The following CENPL variants were observed in gnomAD, a reference collection of about 807,000 sequenced individuals.
CENPL encodes the protein centromere protein L, also known as interphase centromere complex protein 33.
A neutral mutation model predicts 35.2 loss-of-function variants in CENPL; 20 were observed. The ratio of observed to expected loss-of-function variants is 0.57; its 90% CI spans 0.40 to 0.83. The LOEUF is 0.83. CENPL is among the 40% of genes least tolerant of loss of function. The pLI, the probability that CENPL is intolerant of heterozygous loss-of-function variation, is 0.00. For missense variants in CENPL, 363 were observed against 395.8 expected (o/e 0.92, Z 0.70); for synonymous variants, 140 against 140.6 (o/e 1.00, Z 0.03).
Position 173,805,580 on chromosome 1 carries a change from C to G in CENPL, c.420+1687G>C, listed in dbSNP as rs1650152167. ...CACTGAAAAAAAAGTCTTTTCTAGC[C>G]TCCCTTCCAACTAAGATGTAAAGAG... On this transcript the variant is annotated intron_variant, in intron 4 of 5. Coordinates refer to ENST00000682279, the MANE Select transcript of CENPL (RefSeq NM_001387287.1). 2.0e-5 allele frequency among the ~76,000 whole-genome samples: 3 copies of G among 152,072 alleles called. No individual in the cohort carries two copies. The South Asian group carries it at 6.2e-4, about 32-fold the overall frequency.
At chr1:173,806,940 T>C (rs1342103889) in intron 4 of CENPL, among the ~76,000 whole-genome samples, 1 of 152,050 alleles carries the variant, frequency 6.6e-6, no homozygotes, top group African/African-American at 2.4e-5. Context: ...ACCACAAAAA[T>C]ACAGAATTCC....
intron 2 of CENPL, among the ~76,000 whole-genome samples, chr1:173,816,015 A>T (rs1183783564): frequency 2.6e-5 from 4 of 152,214 alleles, no homozygotes; most frequent in African/African-American, 9.6e-5. Flanking sequence ...CAATGTGCAA[A>T]AATCACAAGC....
chr1:173,811,351 T>C (rs932318413), intron 2 of CENPL, 45 bp from the exon 3 acceptor site: 2 of 1,311,064 alleles, frequency 1.5e-6, no homozygotes, highest in Non-Finnish European at 2.2e-6. Context: ...ACTAAAAAGT[T>C]AATTCATGCT....
chr1:173,806,996 T>G (rs572449450), intron 4 of CENPL, among the ~76,000 whole-genome samples: 1 of 152,178 alleles, frequency 6.6e-6, no homozygotes, highest in African/African-American at 2.4e-5. Context: ...AATATCATAA[T>G]GTAAAAGTAT....
At chr1:173,813,089 AAT>A (rs1557847330) in intron 2 of CENPL, among the ~76,000 whole-genome samples, 3 of 152,234 alleles carry the variant, frequency 2.0e-5, no homozygotes, top group Non-Finnish European at 4.4e-5. Flanking sequence ...CTGAAGATCA[AAT>A]TAACGAAATA....
At chr1:173,821,145 T>C (rs968324604) in intron 2 of CENPL, among the ~76,000 whole-genome samples, 5 of 152,248 alleles carry the variant, frequency 3.3e-5, no homozygotes, top group East Asian at 1.9e-4. Context: ...CTAACACTTA[T>C]TGAGCATTCA....
intron 4 of CENPL, among the ~76,000 whole-genome samples, chr1:173,804,769 C>T (rs1650057299): frequency 7.6e-6 from 1 of 132,192 alleles, no homozygotes; most frequent in South Asian, 2.4e-4. Context: ...ATATTTTTAG[C>T]TGATTGCCTA....
At chr1:173,800,818 G>A (rs1300081356) in intron 5 of CENPL, among the ~76,000 whole-genome samples, 1 of 151,958 alleles carries the variant, frequency 6.6e-6, no homozygotes, top group South Asian at 2.1e-4. Context: ...ACAGCCAGGT[G>A]TAATGGTATA....
intron 2 of CENPL, among the ~76,000 whole-genome samples, chr1:173,817,149 A>G (rs1304417791): frequency 6.8e-6 from 1 of 147,222 alleles, no homozygotes; most frequent in Non-Finnish European, 1.5e-5. Flanking sequence ...GAAAAAAAAG[A>G]AAGCAAAAAA....
intron 2 of CENPL, among the ~76,000 whole-genome samples, chr1:173,815,173 C>A (rs1426441959): frequency 1.3e-5 from 2 of 152,174 alleles, no homozygotes; most frequent in Non-Finnish European, 2.9e-5. Flanking sequence ...ATAACAGGCT[C>A]TGAAACTGAG....
At chr1:173,819,888 T>C (rs1651784602) in intron 2 of CENPL, among the ~76,000 whole-genome samples, 1 of 151,552 alleles carries the variant, frequency 6.6e-6, no homozygotes. Flanking sequence ...TTTGTATTTT[T>C]AGTAGAGACA....
At chr1:173,818,535 C>A (rs879872834) in intron 2 of CENPL, among the ~76,000 whole-genome samples, 14 of 152,290 alleles carry the variant, frequency 9.2e-5, no homozygotes, top group Admixed American at 9.2e-4. Flanking sequence ...GTGTTTTTAA[C>A]CTTTTGGTCC....
chr1:173,805,614 G>T (rs909442788), intron 4 of CENPL, among the ~76,000 whole-genome samples: 1 of 151,776 alleles, frequency 6.6e-6, no homozygotes, highest in Non-Finnish European at 1.5e-5. Flanking sequence ...AGAAGTTACT[G>T]GGTCTCAGCA....
chr1:173,810,369 G>A (rs1270704046), intron 3 of CENPL, among the ~76,000 whole-genome samples: 1 of 152,084 alleles, frequency 6.6e-6, no homozygotes, highest in African/African-American at 2.4e-5. Flanking sequence ...GGGGGTGGAG[G>A]GTGGGAGGAA....
At position 173,803,298 on chromosome 1, in the gene CENPL, G is replaced by A. The variant is rs767669166; in HGVS notation, c.628C>T (p.Pro210Ser). 1.2e-6 allele frequency: 2 copies of A among 1,613,178 alleles called. No homozygotes were observed. Among genetic ancestry groups the A allele is most frequent in the Non-Finnish European group, 1.7e-6 (2 of 1,179,230 alleles). The change falls in exon 5 of 6, where the codon CCT becomes TCT. Residue 210 changes from proline to serine, a missense_variant. Physicochemically the swap from Pro to Ser is moderately conservative, Grantham distance 74. Transcript: ENST00000682279. ...AGATTAAATGCATTGATTGCTAAAG[G>A]ACTGAAATAACAGTCAAAGGTTTTC... ...FQKTFDCYFSPLAINAFNLSW... is the reference protein window; with the variant it reads ...FQKTFDCYFSSLAINAFNLSW...
chr1:173,803,872 G>T (rs1432384208), intron 4 of CENPL, among the ~76,000 whole-genome samples: 2 of 152,020 alleles, frequency 1.3e-5, no homozygotes, highest in Admixed American at 6.6e-5. Context: ...GGGTTTCACT[G>T]TATTGGTCAG....
At position 173,800,523 on chromosome 1, in the gene CENPL, CA is replaced by C; in HGVS notation, c.964-5del. 1.5e-6 allele frequency: 2 copies of C among 1,321,484 alleles called. No individual in the cohort carries two copies. The highest frequency in any genetic ancestry group is 1.1e-6 in the Non-Finnish European group (1 of 936,212). 81.9% of individuals were successfully genotyped at this position (1,321,484 alleles called of 1,614,324 possible). On this transcript the variant is annotated splice_polypyrimidine_tract_variant and splice_region_variant and intron_variant, in intron 5 of 5. Coordinates refer to ENST00000682279, the MANE Select transcript of CENPL (RefSeq NM_001387287.1). The stretch of plus-strand genomic sequence containing the variant: ...TAAGGTATTTATGACACAGAATCTG[CA>C]AAAAGAAAAAGAAGGAGACATTTAA...
chr1:173,803,518 T>C lies in CENPL; in HGVS notation c.421-13A>G, dbSNP rs1180768806. On this transcript the variant is annotated splice_polypyrimidine_tract_variant and intron_variant, in intron 4 of 5. Transcript: ENST00000682279. ...ATTTTGACACAATCTACAAAGAAAG[T>C]AAACAGGCTCCTTAAATTCAAAAGT... is the stretch of plus-strand genomic sequence containing the variant. 1.3e-6 allele frequency: 2 copies of C among 1,538,090 alleles called. No homozygotes were observed. The highest frequency in any genetic ancestry group is 2.3e-5 in the East Asian group (1 of 44,004).
chr1:173,816,556 C>A (rs1651396771), intron 2 of CENPL, among the ~76,000 whole-genome samples: 1 of 152,156 alleles, frequency 6.6e-6, no homozygotes, highest in South Asian at 2.1e-4. Flanking sequence ...TGATCTTTGA[C>A]AAACCTGACA....
Sources: allele counts gnomAD v4.1 joint callset (sites outside exome capture counted in the v4.1 genomes callset), GRCh38; gene constraint gnomAD v4.1.1; transcripts MANE v1.5; gene names NCBI Gene and HGNC (gene_info 2026-07-23, HGNC 2026-07-21).